The following N4BP1 variants were observed in gnomAD, a reference collection of about 807,000 sequenced individuals.
N4BP1 encodes NEDD4 binding protein 1, also known as NEDD4-binding protein 1.
A neutral mutation model predicts 70.9 loss-of-function variants in N4BP1; 21 were observed. The observed-to-expected ratio is 0.30, with a 90% CI of 0.21 to 0.43. The LOEUF (loss-of-function observed/expected upper bound fraction) is 0.43. N4BP1 is among the 20% of genes least tolerant of loss of function. The probability of loss-of-function intolerance (pLI) is 1.00; values close to 1 mark genes in which losing one functional copy is unlikely to be tolerated. For missense variants in N4BP1, 936 were observed against 1,069.4 expected (o/e 0.88, Z 1.74); for synonymous variants, 387 against 394.6 (o/e 0.98, Z 0.23).
chr16:48,552,684 C>G (rs547108111), intron 3 of N4BP1, among the ~76,000 whole-genome samples: 1 of 112,028 alleles, frequency 8.9e-6, no homozygotes, highest in Non-Finnish European at 1.6e-5. Flanking sequence ...AGCGACAGAG[C>G]GAGACTCCGT....
At chr16:48,582,116 T>C (rs1339108248) in intron 1 of N4BP1, among the ~76,000 whole-genome samples, 1 of 152,042 alleles carries the variant, frequency 6.6e-6, no homozygotes, top group Non-Finnish European at 1.5e-5. Context: ...ACAATCCAAT[T>C]AAAAAATGAG....
At chr16:48,573,845 A>G (rs1243805079) in intron 1 of N4BP1, among the ~76,000 whole-genome samples, 4 of 152,220 alleles carry the variant, frequency 2.6e-5, no homozygotes, top group Admixed American at 1.3e-4. Context: ...TAGAGAAAAG[A>G]AAATGTCATT....
chr16:48,562,299 A>G lies in N4BP1; in HGVS notation c.344T>C (p.Ile115Thr), dbSNP rs1159795267. ...ACTTCCTCTGATGCCAAGAAGGCCA[A>G]TGTCCAGAATGCAGAGGTCAGCACA... ...DTCADLCILD[I>T]GLLGIRGSAE... Residue 115 changes from isoleucine (I) to threonine (T), a missense_variant, in exon 2 of 7, where the codon ATT becomes ACT. This residue lies in a region of N4BP1 where 187 missense variants were observed against 217.1 expected (regional missense o/e 0.86). Coordinates refer to ENST00000262384, the MANE Select transcript of N4BP1 (RefSeq NM_153029.4). The G allele has an allele frequency of 6.2e-7, 1 of 1,613,952 alleles. No individual in the cohort carries two copies. Among genetic ancestry groups the G allele is most frequent in the Non-Finnish European group, 8.5e-7 (1 of 1,179,856 alleles).
chr16:48,570,607 A>G (rs973638770), intron 1 of N4BP1, among the ~76,000 whole-genome samples: 2 of 152,172 alleles, frequency 1.3e-5, no homozygotes, highest in African/African-American at 4.8e-5. Flanking sequence ...TCGGCCTCCC[A>G]AAGCGCTGGG....
intron 1 of N4BP1, among the ~76,000 whole-genome samples, chr16:48,575,593 G>A (rs1041792796): frequency 8.5e-5 from 13 of 152,120 alleles, no homozygotes; most frequent in South Asian, 2.1e-4. Context: ...TTGACCTGGG[G>A]AAATGTTTCT....
At chr16:48,594,518 C>A (rs1964382542) in intron 1 of N4BP1, among the ~76,000 whole-genome samples, 1 of 152,106 alleles carries the variant, frequency 6.6e-6, no homozygotes, top group Non-Finnish European at 1.5e-5. Flanking sequence ...CTACACCCAG[C>A]TAATTTTTGT....
At chr16:48,570,755 T>C (rs1964006609) in intron 1 of N4BP1, among the ~76,000 whole-genome samples, 1 of 152,236 alleles carries the variant, frequency 6.6e-6, no homozygotes, top group Admixed American at 6.5e-5. Flanking sequence ...TACTGCTGTA[T>C]TCAGTAGGAC....
At chr16:48,601,037 G>A (rs950063652) in intron 1 of N4BP1, among the ~76,000 whole-genome samples, 18 of 152,212 alleles carry the variant, frequency 1.2e-4, no homozygotes, top group African/African-American at 3.6e-4. Context: ...TGGAAAGGGG[G>A]ATACAACAAG....
In N4BP1 at chr16:48,542,894, A is replaced by G; in HGVS notation, c.*10T>C. The G allele has an allele frequency of 6.3e-7, 1 of 1,593,362 alleles. No homozygotes were observed. The highest frequency in any genetic ancestry group is 8.6e-7 in the Non-Finnish European group (1 of 1,165,354). On this transcript the variant is annotated 3_prime_UTR_variant, in exon 7 of 7. Transcript: ENST00000262384. Reference sequence around the variant, plus strand: ...AGCCCTGAGCGCAAGCTCAGCGCTCAGCACAATCTTCAATCCAACACCATG... The same window carrying G: ...AGCCCTGAGCGCAAGCTCAGCGCTCGGCACAATCTTCAATCCAACACCATG...
At chr16:48,595,456 CAAAA>C (rs373163833) in intron 1 of N4BP1, among the ~76,000 whole-genome samples, 4 of 57,490 alleles carry the variant, frequency 7.0e-5, no homozygotes, top group South Asian at 9.0e-4. Flanking sequence ...GACTCTGTCT[CAAAA>C]AAAAAAAAAA....
At chr16:48,577,651 G>T (rs551264363) in intron 1 of N4BP1, 39 of 223,094 alleles carry the variant, frequency 1.7e-4, no homozygotes, top group Admixed American at 1.3e-3. Flanking sequence ...GAGGTCGGGG[G>T]TCAGGCAGCT....
intron 1 of N4BP1, among the ~76,000 whole-genome samples, chr16:48,591,708 A>G (rs1964341783): frequency 6.8e-6 from 1 of 147,722 alleles, no homozygotes; most frequent in African/African-American, 2.5e-5. Context: ...AGTCAACTGA[A>G]TTATTTCTCT....
chr16:48,546,500 C>G (rs1963593969), intron 5 of N4BP1: 1 of 343,688 alleles, frequency 2.9e-6, no homozygotes, highest in Non-Finnish European at 5.2e-6. Flanking sequence ...TTAAGACTTG[C>G]AGATTTGTAC....
chr16:48,606,132 C>A (rs1298632808), intron 1 of N4BP1, among the ~76,000 whole-genome samples: 2 of 152,144 alleles, frequency 1.3e-5, no homozygotes, highest in Non-Finnish European at 1.5e-5. Flanking sequence ...CCAGAGAAGT[C>A]TTCCTTAAAT....
At chr16:48,607,800 CT>C (rs1254959273) in intron 1 of N4BP1, among the ~76,000 whole-genome samples, 1 of 152,208 alleles carries the variant, frequency 6.6e-6, no homozygotes. Context: ...ATCCAACTGA[CT>C]AAAAAAGTTA....
At chr16:48,609,001 G>A (rs1964630430) in intron 1 of N4BP1, among the ~76,000 whole-genome samples, 1 of 150,642 alleles carries the variant, frequency 6.6e-6, no homozygotes, top group South Asian at 2.1e-4. Context: ...GATGACTTGA[G>A]TCCAAGAGTT....
chr16:48,542,851 G>C lies in N4BP1; in HGVS notation c.*53C>G. 2 of 1,461,722 alleles carry C rather than the reference G, an allele frequency of 1.4e-6. No individual in the cohort carries two copies. Among genetic ancestry groups the C allele is most frequent in the Non-Finnish European group, 1.9e-6 (2 of 1,067,014 alleles). The allele number at this position is 1,461,722 out of a possible 1,614,324, so 90.5% of individuals were successfully genotyped here. A position where few individuals can be genotyped will look rare whatever the true frequency, so the allele number is the denominator to read the frequency against. ...TCATTCCCATCAGGTACAGGTGTGAGCTTGAGTTTGATCAGCCAGCCCTGA... is the reference window on the plus strand; with the variant it reads ...TCATTCCCATCAGGTACAGGTGTGACCTTGAGTTTGATCAGCCAGCCCTGA... On this transcript the variant is annotated 3_prime_UTR_variant, in exon 7 of 7. Coordinates refer to ENST00000262384, the MANE Select transcript of N4BP1 (RefSeq NM_153029.4).
At chr16:48,592,462 G>A (rs1208757027) in intron 1 of N4BP1, among the ~76,000 whole-genome samples, 1 of 152,058 alleles carries the variant, frequency 6.6e-6, no homozygotes, top group African/African-American at 2.4e-5. Context: ...GAAGGGCTCT[G>A]CCCTGAAGCC....
intron 2 of N4BP1, among the ~76,000 whole-genome samples, chr16:48,556,715 C>G (rs1483759863): frequency 6.6e-6 from 1 of 152,168 alleles, no homozygotes; most frequent in African/African-American, 2.4e-5. Flanking sequence ...GATAAAAACT[C>G]ATGGCAGCCA....
Sources: allele counts gnomAD v4.1 joint callset (sites outside exome capture counted in the v4.1 genomes callset), GRCh38; gene constraint gnomAD v4.1.1; regional missense constraint gnomAD v4.1.1; transcripts MANE v1.5; gene names NCBI Gene and HGNC (gene_info 2026-07-23, HGNC 2026-07-21).